The following CTNNA2 variants were observed in gnomAD, a reference collection of about 807,000 sequenced individuals.
CTNNA2 encodes the protein catenin alpha 2.
CTNNA2 carries 42 observed loss-of-function variants against 101.0 expected under a neutral mutation model. The ratio of observed to expected loss-of-function variants is 0.42; its 90% CI spans 0.32 to 0.54. The LOEUF is 0.54. Among genes scored for constraint, CTNNA2 ranks in the 20% least tolerant of loss-of-function variants. CTNNA2 has a pLI of 0.14. For synonymous variants in CTNNA2, 450 were observed against 456.4 expected (o/e 0.99, Z 0.18); for missense variants, 871 against 1,223.1 (o/e 0.71, Z 4.29).
At chr2:79,250,292 T>C (rs2104270637) in intron 2 of CTNNA2, among the ~76,000 whole-genome samples, 1 of 152,188 alleles carries the variant, frequency 6.6e-6, no homozygotes, top group African/African-American at 2.4e-5. Flanking sequence ...AAAGCAAGCC[T>C]TTTCCTAAGA....
chr2:80,328,094 G>A (rs1026796404), intron 7 of CTNNA2, among the ~76,000 whole-genome samples: 3 of 152,164 alleles, frequency 2.0e-5, no homozygotes, highest in African/African-American at 7.2e-5. Flanking sequence ...GGAGTGATGA[G>A]GAGAGCTCTC....
chr2:80,419,724 T>G lies in CTNNA2; in HGVS notation c.1290+123T>G, dbSNP rs72914926. On this transcript the variant is annotated intron_variant, in intron 9 of 18. Coordinates refer to ENST00000402739, the MANE Select transcript of CTNNA2 (RefSeq NM_001282597.3). ...TTGGAGAAATAAAGTCCTGGAATCA[T>G]TCTTTCCTTTACTTTCTGATTACTG... 10,541 of 1,012,368 alleles carry G rather than the reference T, an allele frequency of 0.01. 742 individuals are homozygous for G. The African/African-American group carries it at 0.15, about 14-fold the overall frequency. 62.7% of individuals were successfully genotyped at this position (1,012,368 alleles called of 1,614,324 possible). A position where few individuals can be genotyped will look rare whatever the true frequency, so the allele number is the denominator to read the frequency against.
At chr2:79,385,515 T>C (rs1678088991) in intron 4 of CTNNA2, among the ~76,000 whole-genome samples, 1 of 152,012 alleles carries the variant, frequency 6.6e-6, no homozygotes, top group African/African-American at 2.4e-5. Context: ...TTTTATTTTA[T>C]TTTATTTTAT....
At chr2:80,086,764 G>A (rs138977068) in intron 7 of CTNNA2, among the ~76,000 whole-genome samples, 12 of 152,162 alleles carry the variant, frequency 7.9e-5, no homozygotes, top group African/African-American at 2.9e-4. Context: ...TGGGAGCTAA[G>A]TGAGATAATG....
chr2:80,647,995 A>C lies in CTNNA2; in HGVS notation c.*123A>C. On this transcript the variant is annotated 3_prime_UTR_variant, in exon 19 of 19. Coordinates refer to ENST00000402739, the MANE Select transcript of CTNNA2 (RefSeq NM_001282597.3). ...TCTGGCATGGGGAAATTAAGGGAAC[A>C]GTGTCTGTTTGCATGTAAGATGAGA... The C allele has an allele frequency of 1.1e-6, 1 of 905,374 alleles. No individual in the cohort carries two copies. The highest frequency in any genetic ancestry group is 1.8e-5 in the South Asian group (1 of 55,272). 56.1% of individuals were successfully genotyped at this position (905,374 alleles called of 1,614,324 possible).
At chr2:79,498,552 C>A (rs560906600) in intron 4 of CTNNA2, among the ~76,000 whole-genome samples, 3 of 152,214 alleles carry the variant, frequency 2.0e-5, no homozygotes, top group South Asian at 2.1e-4. Context: ...TTCCTTTGGA[C>A]CTTGATTGGC....
chr2:80,592,144 A>G (rs890705935), intron 15 of CTNNA2, among the ~76,000 whole-genome samples: 8 of 152,172 alleles, frequency 5.3e-5, no homozygotes, highest in African/African-American at 1.9e-4. Context: ...TTTGAGACTA[A>G]GAAAAAAAAA....
At chr2:79,932,436 C>T (rs1243798620) in intron 7 of CTNNA2, among the ~76,000 whole-genome samples, 1 of 151,586 alleles carries the variant, frequency 6.6e-6, no homozygotes, top group Non-Finnish European at 1.5e-5. Context: ...CTTTTAACTC[C>T]GGCCACCTCT....
At chr2:80,559,221 G>A (rs115047834) in intron 12 of CTNNA2, among the ~76,000 whole-genome samples, 1,781 of 152,244 alleles carry the variant, frequency 0.012, 34 homozygotes, top group African/African-American at 0.041. Flanking sequence ...CATGTACTGT[G>A]GACATAGTGA....
intron 9 of CTNNA2, among the ~76,000 whole-genome samples, chr2:80,531,305 C>T (rs556589417): frequency 1.3e-5 from 2 of 152,282 alleles, no homozygotes; most frequent in African/African-American, 4.8e-5. Context: ...CCAATGAGGA[C>T]TAGTACCTTC....
intron 7 of CTNNA2, among the ~76,000 whole-genome samples, chr2:80,100,154 G>A (rs1211066545): frequency 1.3e-5 from 2 of 151,942 alleles, no homozygotes; most frequent in East Asian, 1.9e-4. Context: ...GGCTGGTCTC[G>A]AACTCCTGAC....
chr2:79,992,206 T>C (rs1031819076), intron 7 of CTNNA2, among the ~76,000 whole-genome samples: 6 of 152,142 alleles, frequency 3.9e-5, no homozygotes, highest in African/African-American at 9.7e-5. Context: ...ATTAGAAGGA[T>C]AATTTAGAAA....
chr2:80,511,597 A>C (rs1688706328), intron 9 of CTNNA2, among the ~76,000 whole-genome samples: 1 of 152,198 alleles, frequency 6.6e-6, no homozygotes, highest in African/African-American at 2.4e-5. Flanking sequence ...AAATCCTTGA[A>C]TCTCAAAATA....
intron 2 of CTNNA2, among the ~76,000 whole-genome samples, chr2:79,288,407 T>A (rs1675685880): frequency 6.6e-6 from 1 of 152,252 alleles, no homozygotes; most frequent in Non-Finnish European, 1.5e-5. Flanking sequence ...GTGGGTTCAC[T>A]GTGTGCTCAG....
chr2:80,569,633 G>GTTTTTTTTTTTTTTTT lies in CTNNA2; in HGVS notation c.1742-4518_1742-4503dup, dbSNP rs70940088. Among the ~76,000 whole-genome samples, 184 of 51,708 alleles carry GTTTTTTTTTTTTTTTT rather than the reference G, an allele frequency of 3.6e-3. 43 individuals carry two copies. Among genetic ancestry groups the GTTTTTTTTTTTTTTTT allele is most frequent in the Non-Finnish European group, 5.0e-3 (128 of 25,562 alleles). The allele number at this position is 51,708 out of a possible 152,430, so 33.9% of individuals were successfully genotyped here. On this transcript the variant is annotated intron_variant, in intron 12 of 18. Coordinates refer to ENST00000402739, the MANE Select transcript of CTNNA2 (RefSeq NM_001282597.3). ...TCAGTATTACTTTTGGGGTATTTAG[G>GTTTTTTTTTTTTTTTT]TTTTTTTTTTTTTTTTTTTTTTTTT...
intron 2 of CTNNA2, among the ~76,000 whole-genome samples, chr2:79,209,288 C>G (rs891990147): frequency 6.6e-6 from 1 of 152,078 alleles, no homozygotes; most frequent in African/African-American, 2.4e-5. Context: ...AAGATTCTAG[C>G]TTTTTATTTT....
At chr2:79,853,763 G>T (rs1680915405) in intron 3 of CTNNA2, among the ~76,000 whole-genome samples, 1 of 151,452 alleles carries the variant, frequency 6.6e-6, no homozygotes, top group South Asian at 2.1e-4. Flanking sequence ...TCACCTCCCG[G>T]GTTCAAGTGA....
At chr2:79,610,747 G>T (rs1415331081) in intron 1 of CTNNA2, among the ~76,000 whole-genome samples, 1 of 152,104 alleles carries the variant, frequency 6.6e-6, no homozygotes, top group African/African-American at 2.4e-5. Flanking sequence ...TGATGAAGGA[G>T]CACAAGGAAA....
chr2:80,380,272 G>A (rs1676395112), intron 7 of CTNNA2, among the ~76,000 whole-genome samples: 2 of 152,082 alleles, frequency 1.3e-5, no homozygotes, highest in Non-Finnish European at 2.9e-5. Flanking sequence ...TCCTGACTTT[G>A]TGATCCTCCC....
Sources: allele counts gnomAD v4.1 joint callset (sites outside exome capture counted in the v4.1 genomes callset), GRCh38; gene constraint gnomAD v4.1.1; transcripts MANE v1.5; gene names NCBI Gene and HGNC (gene_info 2026-07-23, HGNC 2026-07-21).